Variants in SGPP2 observed in about 807,000 individuals in gnomAD.
The protein encoded by SGPP2 is sphingosine 1-phosphate phosphohydrolase 2.
SGPP2 carries 30 observed loss-of-function variants against 33.9 expected under a neutral mutation model. That is an observed-to-expected ratio of 0.89 (90% CI 0.66 to 1.20). The LOEUF is 1.20. SGPP2 is among the 50% of genes most tolerant of loss of function. The pLI, the probability that SGPP2 is intolerant of heterozygous loss-of-function variation, is 0.00. For missense variants in SGPP2, 458 were observed against 532.1 expected (o/e 0.86, Z 1.37); for synonymous variants, 233 against 225.0 (o/e 1.04, Z -0.32).
intron 2 of SGPP2, among the ~76,000 whole-genome samples, chr2:222,492,575 G>A (rs1462811569): frequency 6.6e-6 from 1 of 152,226 alleles, no homozygotes; most frequent in Non-Finnish European, 1.5e-5. Context: ...TTTCCTCCTA[G>A]GCCTCTGGGC....
At chr2:222,432,500 G>A (rs1185620332) in intron 1 of SGPP2, among the ~76,000 whole-genome samples, 1 of 152,226 alleles carries the variant, frequency 6.6e-6, no homozygotes, top group Non-Finnish European at 1.5e-5. Context: ...TTTATGACAT[G>A]GCTTGGCATG....
chr2:222,432,729 T>C (rs998372035), intron 1 of SGPP2, among the ~76,000 whole-genome samples: 1 of 151,892 alleles, frequency 6.6e-6, no homozygotes, highest in Non-Finnish European at 1.5e-5. Context: ...GAAAAGTCTG[T>C]AGAAAAGATA....
At chr2:222,525,715 T>C (rs1698748510) in intron 4 of SGPP2, among the ~76,000 whole-genome samples, 1 of 152,178 alleles carries the variant, frequency 6.6e-6, no homozygotes, top group African/African-American at 2.4e-5. Flanking sequence ...CTATTTATCA[T>C]CGTAATAGGT....
At chr2:222,474,233 G>A (rs1389880152) in intron 1 of SGPP2, among the ~76,000 whole-genome samples, 2 of 152,216 alleles carry the variant, frequency 1.3e-5, no homozygotes, top group African/African-American at 4.8e-5. Flanking sequence ...GCCTATTGCA[G>A]AGACCCATAT....
At chr2:222,428,427 C>T (rs1697103651) in intron 1 of SGPP2, among the ~76,000 whole-genome samples, 1 of 152,204 alleles carries the variant, frequency 6.6e-6, no homozygotes, top group African/African-American at 2.4e-5. Flanking sequence ...TTTAGTTAGA[C>T]TCTGCAGTGC....
chr2:222,453,091 G>A, intron 1 of SGPP2: 1 of 1,007,680 alleles, frequency 9.9e-7, no homozygotes, highest in Non-Finnish European at 1.6e-6. Context: ...TTTGCCTTTG[G>A]GACTGGTAGG....
chr2:222,481,320 A>G (rs1365603116), intron 2 of SGPP2, among the ~76,000 whole-genome samples: 1 of 152,170 alleles, frequency 6.6e-6, no homozygotes, highest in East Asian at 1.9e-4. Context: ...AGATGAAAAC[A>G]TTTTTCATAC....
rs1458739545 is a variant in SGPP2, at chr2:222,506,485, A to G, written c.379-15282A>G. 2.6e-5 allele frequency among the ~76,000 whole-genome samples: 4 copies of G among 152,332 alleles called. No individual in the cohort carries two copies. In the East Asian group the frequency reaches 7.7e-4, roughly 29 times the overall value. ...TTGTAAACAGTTGATGCGCTGATAA[A>G]CACAACACAGTACTGGAAATGTATT... On this transcript the variant is annotated intron_variant, in intron 2 of 4. Transcript: ENST00000321276.
intron 1 of SGPP2, among the ~76,000 whole-genome samples, chr2:222,431,502 C>T (rs1697155060): frequency 6.6e-6 from 1 of 151,964 alleles, no homozygotes; most frequent in Admixed American, 6.6e-5. Context: ...GAGACCTTGC[C>T]CCCCGCCCCC....
rs1698575673 is a variant in SGPP2 at position 222,514,522 on chromosome 2, A to G, written c.379-7245A>G. On this transcript the variant is annotated intron_variant, in intron 2 of 4. Coordinates refer to ENST00000321276, the MANE Select transcript of SGPP2 (RefSeq NM_152386.4). ...TGGCTAGTTCTTGATAAAGTTCCAA[A>G]TAAACCAAAGTTCATTTTTCTCTCA... is the stretch of plus-strand genomic sequence containing the variant. 1.3e-5 allele frequency among the ~76,000 whole-genome samples: 2 copies of G among 152,204 alleles called. 1 individual carries two copies. The highest frequency in any genetic ancestry group is 2.9e-5 in the Non-Finnish European group (2 of 68,042).
intron 1 of SGPP2, among the ~76,000 whole-genome samples, chr2:222,442,481 C>A (rs1178930528): frequency 1.3e-5 from 2 of 152,094 alleles, no homozygotes; most frequent in Admixed American, 1.3e-4. Context: ...TTTATCTTCT[C>A]CCTTTTTTGA....
At chr2:222,435,041 T>C (rs1013502236) in intron 1 of SGPP2, among the ~76,000 whole-genome samples, 1 of 146,552 alleles carries the variant, frequency 6.8e-6, no homozygotes, top group African/African-American at 2.5e-5. Context: ...TATATATGTG[T>C]ATATATATAC....
chr2:222,557,334 T>C (rs905943885), intron 4 of SGPP2, among the ~76,000 whole-genome samples: 15 of 152,226 alleles, frequency 9.9e-5, no homozygotes, highest in South Asian at 4.1e-4. Context: ...GTATGAAGGA[T>C]GGATGGATGC....
rs1421643066 is a variant in SGPP2 at position 222,561,724 on chromosome 2, T to TAA, written c.*2828_*2829dup. Among the ~76,000 whole-genome samples, 1 of 152,102 alleles carries TAA rather than the reference T, an allele frequency of 6.6e-6. No individual in the cohort carries two copies. Among genetic ancestry groups the TAA allele is most frequent in the East Asian group, 1.9e-4 (1 of 5,204 alleles). ...GGATTTGTCATGGTTGGTCACTTTT[T>TAA]AAAGTATTTGATTACTGCAACTGGA... On this transcript the variant is annotated 3_prime_UTR_variant, in exon 5 of 5. Coordinates refer to ENST00000321276, the MANE Select transcript of SGPP2 (RefSeq NM_152386.4).
chr2:222,495,640 TTAC>T (rs1273534517), intron 2 of SGPP2, among the ~76,000 whole-genome samples: 1 of 152,102 alleles, frequency 6.6e-6, no homozygotes, highest in East Asian at 1.9e-4. Flanking sequence ...AAGAAAGGAT[TTAC>T]TACAAGGAAC....
intron 2 of SGPP2, among the ~76,000 whole-genome samples, chr2:222,483,113 T>C (rs1698054122): frequency 6.6e-6 from 1 of 152,238 alleles, no homozygotes; most frequent in East Asian, 1.9e-4. Flanking sequence ...TCATCGCTTG[T>C]GCAGACTGAA....
chr2:222,433,759 A>G (rs918823221), intron 1 of SGPP2, among the ~76,000 whole-genome samples: 2 of 152,152 alleles, frequency 1.3e-5, no homozygotes, highest in Non-Finnish European at 2.9e-5. Context: ...TGATTAATGA[A>G]TAACTTTTTA....
In SGPP2 at chr2:222,558,528, C is replaced by A. The variant is rs748557804; in HGVS notation, c.830C>A (p.Thr277Asn). 6.2e-7 allele frequency: 1 copy of A among 1,614,082 alleles called. No individual in the cohort carries two copies. The change falls in exon 5 of 5, where the codon ACC (threonine) becomes AAC (asparagine). Residue 277 changes from threonine to asparagine, a missense_variant. Coordinates refer to ENST00000321276, the MANE Select transcript of SGPP2 (RefSeq NM_152386.4). ...SDYYSPTRAD[T>N]TTILAAGAGV... ...TACTACAGCCCAACCCGGGCGGACA[C>A]CACCACCATTCTGGCTGCCGGGGCT...
intron 2 of SGPP2, among the ~76,000 whole-genome samples, chr2:222,503,639 T>C (rs902791165): frequency 3.3e-5 from 5 of 152,224 alleles, no homozygotes; most frequent in African/African-American, 1.2e-4. Context: ...TGTGTTTTAT[T>C]TTCTTAACTG....
Sources: gnomAD v4.1 joint callset for allele counts (sites outside exome capture counted in the v4.1 genomes callset) on GRCh38, gnomAD v4.1.1 for gene constraint, MANE v1.5 for transcripts, NCBI Gene and HGNC (gene_info 2026-07-23, HGNC 2026-07-21) for gene names.